CHLSN: variants seen among roughly 807,000 people sequenced by gnomAD.
The protein encoded by CHLSN is protein cholesin.
chr7:1,058,109 G>A, the CHLSN span: 2 of 762,170 alleles, frequency 2.6e-6, no homozygotes, highest in South Asian at 2.7e-5. Flanking sequence ...GCTACGTGGT[G>A]CCAGCACTGG....
the CHLSN span, among the ~76,000 whole-genome samples, chr7:1,012,717 C>A: frequency 0.17 from 25,323 of 152,294 alleles, 2,500 homozygotes; most frequent in Admixed American, 0.22. Context: ...TGGGCCTCAA[C>A]AGAAGACGCA....
At chr7:1,127,248 C>T in the CHLSN span, 35 of 1,590,706 alleles carry the variant, frequency 2.2e-5, no homozygotes, top group Admixed American at 2.8e-4. Context: ...GAAGCACAGG[C>T]GGCCTTACCT....
At chr7:1,031,946 G>A in the CHLSN span, among the ~76,000 whole-genome samples, 2 of 152,088 alleles carry the variant, frequency 1.3e-5, no homozygotes, top group Non-Finnish European at 2.9e-5. Flanking sequence ...AGGACGTGCC[G>A]AGGGGGTGAG....
the CHLSN span, among the ~76,000 whole-genome samples, chr7:1,047,465 T>G: frequency 2.2e-4 from 33 of 152,278 alleles, no homozygotes; most frequent in Non-Finnish European, 1.5e-4. Context: ...TAGGAATCAG[T>G]GTGCGTAAGC....
the CHLSN span, among the ~76,000 whole-genome samples, chr7:1,036,144 T>G: frequency 2.0e-5 from 3 of 152,116 alleles, no homozygotes; most frequent in Non-Finnish European, 2.9e-5. Flanking sequence ...CAGGGCCCTT[T>G]TGGGGCAGTG....
At chr7:995,790 G>A in the CHLSN span, among the ~76,000 whole-genome samples, 12 of 152,378 alleles carry the variant, frequency 7.9e-5, no homozygotes, top group Admixed American at 7.8e-4. Flanking sequence ...CTCGCCTGCC[G>A]CCGGCAAGGC....
chr7:1,003,422 TG>T, the CHLSN span, among the ~76,000 whole-genome samples: 3 of 56,892 alleles, frequency 5.3e-5, no homozygotes, highest in African/African-American at 7.5e-5. Context: ...TGGGGAGTCC[TG>T]TGGGTGAGTG....
the CHLSN span, among the ~76,000 whole-genome samples, chr7:1,117,562 G>A: frequency 1.5e-5 from 2 of 132,348 alleles, no homozygotes; most frequent in African/African-American, 3.2e-5. Context: ...CAATGTCCAC[G>A]CAGGATGATG....
the CHLSN span, among the ~76,000 whole-genome samples, chr7:1,096,853 G>A: frequency 3.9e-5 from 6 of 152,208 alleles, no homozygotes; most frequent in Non-Finnish European, 8.8e-5. This position sits in a 1 kb window ranked among gnomAD's most constrained non-coding sequence, Gnocchi z 4.6. Context: ...ATGCTCACGC[G>A]CCCACTCACC....
At chr7:1,133,409 A>AAAAAAAAACAAAAC in the CHLSN span, among the ~76,000 whole-genome samples, 2 of 149,432 alleles carry the variant, frequency 1.3e-5, no homozygotes, top group Non-Finnish European at 3.0e-5. Context: ...AAAAAAAAAA[A>AAAAAAAAACAAAAC]AAAACTATAA....
the CHLSN span, among the ~76,000 whole-genome samples, chr7:1,011,550 C>T: frequency 6.6e-6 from 1 of 150,750 alleles, no homozygotes; most frequent in African/African-American, 2.5e-5. Context: ...CACAAACACC[C>T]AGATACCCAA....
At chr7:1,080,021 C>A in the CHLSN span, among the ~76,000 whole-genome samples, 1 of 152,340 alleles carries the variant, frequency 6.6e-6, no homozygotes, top group East Asian at 1.9e-4. Context: ...AAACCGGCCA[C>A]CAAAACAGAC....
At chr7:978,082 G>C in the CHLSN span, among the ~76,000 whole-genome samples, 1 of 152,208 alleles carries the variant, frequency 6.6e-6, no homozygotes, top group African/African-American at 2.4e-5. Flanking sequence ...CTCTCTGTCT[G>C]GGAGCCCCGA....
the CHLSN span, among the ~76,000 whole-genome samples, chr7:992,347 C>T: frequency 2.0e-5 from 3 of 152,232 alleles, no homozygotes; most frequent in East Asian, 1.9e-4. Context: ...ACACAGTCCC[C>T]GAGCCATCTG....
the CHLSN span, among the ~76,000 whole-genome samples, chr7:1,125,405 C>T: frequency 6.6e-6 from 1 of 152,200 alleles, no homozygotes; most frequent in South Asian, 2.1e-4. Flanking sequence ...GCCCCAGGCA[C>T]GAGACCTCCA....
At chr7:980,000 C>G in the CHLSN span, among the ~76,000 whole-genome samples, 1 of 152,218 alleles carries the variant, frequency 6.6e-6, no homozygotes, top group South Asian at 2.1e-4. Flanking sequence ...TGAGCAAACA[C>G]GGCTTCTGGC....
chr7:1,074,376 C>T, the CHLSN span: 16,557 of 146,620 alleles, frequency 0.11, 1,152 homozygotes, highest in Middle Eastern at 0.26. Context: ...CCTCCCTCCC[C>T]TGCAGAGACC....
the CHLSN span, among the ~76,000 whole-genome samples, chr7:1,116,198 A>G: frequency 4.0e-5 from 5 of 126,034 alleles, no homozygotes; most frequent in East Asian, 1.4e-3. Context: ...ACATCACTAC[A>G]GCTCTAGGGA....
chr7:1,023,624 AACACACACACACACACAC>A, the CHLSN span, among the ~76,000 whole-genome samples: 9,213 of 122,346 alleles, frequency 0.075, 430 homozygotes, highest in South Asian at 0.15. This position sits in a 1 kb window ranked among gnomAD's most constrained non-coding sequence, Gnocchi z 5.0. Flanking sequence ...CCTCCCAGGA[AACACACACACACACACAC>A]ACACACACAC....
Sources: gnomAD v4.1 joint callset for allele counts (sites outside exome capture counted in the v4.1 genomes callset) on GRCh38, gnomAD v4.1.1 for gene constraint, Gnocchi (gnomAD v3.1) non-coding constraint, MANE v1.5 for transcripts, NCBI Gene and HGNC (gene_info 2026-07-23, HGNC 2026-07-21) for gene names.